The following CCDC150 variants were observed in gnomAD, a reference collection of about 807,000 sequenced individuals.
CCDC150 encodes coiled-coil domain-containing protein 150.
In CCDC150, 151 loss-of-function variants were observed where a neutral mutation model predicts 156.5. That is an observed-to-expected ratio of 0.97 (90% confidence interval 0.85 to 1.10). The LOEUF (loss-of-function observed/expected upper bound fraction) is 1.10, where lower values mean the gene tolerates loss of function less well. Ranked by LOEUF, CCDC150 falls within the 50% of genes least tolerant of loss-of-function variation. The pLI, the probability that CCDC150 is intolerant of heterozygous loss-of-function variation, is 0.00. For synonymous variants in CCDC150, 452 were observed against 429.4 expected (o/e 1.05, Z -0.65); for missense variants, 1,312 against 1,268.1 (o/e 1.03, Z -0.53).
chr2:196,677,049 C>A, intron 12 of CCDC150: 1 of 683,930 alleles, frequency 1.5e-6, no homozygotes, highest in South Asian at 1.5e-5. Context: ...GGGGGAACAG[C>A]CCTGTCTTCC....
At chr2:196,709,060 G>T (rs1473618319) in intron 15 of CCDC150, among the ~76,000 whole-genome samples, 1 of 152,146 alleles carries the variant, frequency 6.6e-6, no homozygotes, top group African/African-American at 2.4e-5. Flanking sequence ...GTCTTGCTAG[G>T]TTGGGGAAGT....
chr2:196,688,256 T>G (rs1000974939), intron 13 of CCDC150, among the ~76,000 whole-genome samples: 114 of 152,346 alleles, frequency 7.5e-4, no homozygotes, highest in African/African-American at 2.6e-3. Flanking sequence ...TTTCCATTTG[T>G]TAATGTCATC....
chr2:196,732,058 A>T lies in CCDC150; in HGVS notation c.3095A>T (p.His1032Leu). 2 of 1,613,588 alleles carry T rather than the reference A, an allele frequency of 1.2e-6. No individual in the cohort carries two copies. The highest frequency in any genetic ancestry group is 1.7e-6 in the Non-Finnish European group (2 of 1,179,562). ...ATAACAGCTAATCTGGAAGAAGCTCATCGCTGGTTTAAGCACAGGTTTGAT... is the reference window on the plus strand; with the variant it reads ...ATAACAGCTAATCTGGAAGAAGCTCTTCGCTGGTTTAAGCACAGGTTTGAT... ...EQITANLEEA[H>L]RWFKHRFDGL... The change falls in exon 27 of 28, where the codon CAT (histidine) becomes CTT (leucine). Residue 1032 changes from histidine to leucine, a missense_variant. His to Leu is a moderately conservative substitution (Grantham distance 99). Transcript: ENST00000389175.
rs533018405 is a variant in CCDC150 at position 196,712,840 on chromosome 2, A to G, written c.1866+101A>G. ...TTTTAACGAATGAATAGAAAAAGTT[A>G]AGCAAGATAACAAAAACATTTAGTG... On this transcript the variant is annotated intron_variant, in intron 17 of 27. Transcript: ENST00000389175. 5.5e-4 allele frequency: 492 copies of G among 890,158 alleles called. 1 individual carries two copies. Among genetic ancestry groups the G allele is most frequent in the Non-Finnish European group, 8.1e-4 (467 of 573,560 alleles). 55.1% of individuals were successfully genotyped at this position (890,158 alleles called of 1,614,324 possible). A position where few individuals can be genotyped will look rare whatever the true frequency, so the allele number is the denominator to read the frequency against.
chr2:196,660,361 G>T (rs968466731), intron 5 of CCDC150, among the ~76,000 whole-genome samples: 28 of 152,142 alleles, frequency 1.8e-4, no homozygotes, highest in Admixed American at 1.8e-3. Context: ...CATCTGGTAA[G>T]CCTATGTTTA....
intron 15 of CCDC150, among the ~76,000 whole-genome samples, chr2:196,704,036 A>C (rs914783338): frequency 2.6e-5 from 4 of 152,362 alleles, no homozygotes; most frequent in African/African-American, 9.6e-5. Flanking sequence ...TGGAGCACAT[A>C]ACTCTTACAA....
chr2:196,668,354 A>G (rs1443511208), intron 7 of CCDC150, among the ~76,000 whole-genome samples: 1 of 151,826 alleles, frequency 6.6e-6, no homozygotes. Flanking sequence ...ACTGTACCCA[A>G]AGACCCACAG....
At position 196,720,531 on chromosome 2, in the gene CCDC150, C is replaced by T. The variant is rs374685367; in HGVS notation, c.2166-44C>T. 53 of 1,518,192 alleles carry T rather than the reference C, an allele frequency of 3.5e-5. 1 individual carries two copies. The highest frequency in any genetic ancestry group is 1.1e-4 in the African/African-American group (8 of 73,130). The allele number at this position is 1,518,192 out of a possible 1,614,324, so 94.0% of individuals were successfully genotyped here. On this transcript the variant is annotated intron_variant, in intron 19 of 27. Transcript: ENST00000389175. ...ACTCCCAAATGGTATCATTCCTACA[C>T]GATTCTTTTCTGTAGTCACTCTTTT... is the stretch of plus-strand genomic sequence containing the variant.
rs1195767004 is a variant in CCDC150 at position 196,672,367 on chromosome 2, A to G, written c.959A>G (p.Lys320Arg). The G allele has an allele frequency of 2.0e-6, 3 of 1,537,868 alleles. No homozygotes were observed. The highest frequency in any genetic ancestry group is 1.7e-6 in the Non-Finnish European group (2 of 1,145,248). The stretch of plus-strand genomic sequence containing the variant: ...TAGAACCTGCAGATATCTTTCAACA[A>G]GGAACATGAAGAAAATGCATATTTG... ...ENKNLQISFN[K>R]EHEENAYLRS... is the part of the protein sequence containing the mutation. The change falls in exon 9 of 28, where the codon AAG (lysine) becomes AGG (arginine). Residue 320 changes from lysine (K) to arginine (R), a missense_variant. Transcript: ENST00000389175.
chr2:196,691,647 T>TTA (rs1553560509), intron 13 of CCDC150, among the ~76,000 whole-genome samples: 2 of 150,678 alleles, frequency 1.3e-5, no homozygotes, highest in Non-Finnish European at 3.0e-5. Flanking sequence ...TTTTTTTTTT[T>TTA]AAAACAGCTC....
rs1022452116 is a variant in CCDC150, at chr2:196,659,106, G to T, written c.645+246G>T. On this transcript the variant is annotated intron_variant, in intron 5 of 27. Coordinates refer to ENST00000389175, the MANE Select transcript of CCDC150 (RefSeq NM_001080539.2). The stretch of plus-strand genomic sequence containing the variant: ...AATAAATGCTTTGTGAACCAGGAAG[G>T]AATAGTTACCACTCGTGGCTGCCCG... Among the ~76,000 whole-genome samples, 10 of 152,240 alleles carry T rather than the reference G, an allele frequency of 6.6e-5. No homozygotes were observed. The South Asian group carries it at 1.0e-3, about 16-fold the overall frequency.
chr2:196,655,067 T>C (rs1693109535), intron 2 of CCDC150, among the ~76,000 whole-genome samples: 1 of 152,224 alleles, frequency 6.6e-6, no homozygotes. Context: ...CATGTTCCAG[T>C]TCCTTCTATC....
chr2:196,719,568 T>C lies in CCDC150; in HGVS notation c.2067T>C (p.Asn689=), dbSNP rs1173554956. Residue 689 remains asparagine, a synonymous_variant, in exon 19 of 28, where the codon AAT becomes AAC. Coordinates refer to ENST00000389175, the MANE Select transcript of CCDC150 (RefSeq NM_001080539.2). ...GCAAAGTCACAATCATGTTGGAGAA[T>C]GTGCTGGCTTCTCACAGTAAGATGC... ...DNCKVTIMLE[N]VLASHSKMQG... 3 of 1,613,478 alleles carry C rather than the reference T, an allele frequency of 1.9e-6. No individual in the cohort carries two copies. Among genetic ancestry groups the C allele is most frequent in the African/African-American group, 1.3e-5 (1 of 75,034 alleles).
At chr2:196,662,893 C>T (rs544820632) in intron 5 of CCDC150, among the ~76,000 whole-genome samples, 1 of 151,876 alleles carries the variant, frequency 6.6e-6, no homozygotes, top group East Asian at 1.9e-4. Context: ...CATGCCACTG[C>T]ACTCCAGCCT....
In CCDC150 at chr2:196,730,049, G is replaced by C. The variant is rs1282167963; in HGVS notation, c.2913G>C (p.Arg971=). 6.2e-7 allele frequency: 1 copy of C among 1,613,826 alleles called. No homozygotes were observed. Among genetic ancestry groups the C allele is most frequent in the South Asian group, 1.1e-5 (1 of 90,980 alleles). ...LAKSQYDASV[R]NKQQELHLEA... is the part of the protein sequence containing the mutation. ...AGAGCCAATATGATGCCTCAGTGCG[G>C]AATAAACAGCAAGAGCTGCACCTAG... The change falls in exon 25 of 28, where the codon CGG becomes CGC. Residue 971 remains arginine (R), a synonymous_variant. Transcript: ENST00000389175.
At chr2:196,719,305 T>C (rs1006460045) in intron 18 of CCDC150, 192 bp from the exon 19 acceptor site, 3 of 423,466 alleles carry the variant, frequency 7.1e-6, no homozygotes, top group African/African-American at 6.2e-5. Flanking sequence ...TTTCTGGGGA[T>C]CAGCTTTTCT....
intron 15 of CCDC150, among the ~76,000 whole-genome samples, chr2:196,703,208 C>G (rs1696358387): frequency 6.6e-6 from 1 of 152,216 alleles, no homozygotes; most frequent in Admixed American, 6.5e-5. Flanking sequence ...CCGAACACAT[C>G]AGCATTAACC....
intron 15 of CCDC150, among the ~76,000 whole-genome samples, chr2:196,703,494 G>A (rs999970811): frequency 6.6e-6 from 1 of 152,106 alleles, no homozygotes; most frequent in Non-Finnish European, 1.5e-5. Flanking sequence ...ATAAAATGAT[G>A]AGGATAAGCA....
intron 15 of CCDC150, among the ~76,000 whole-genome samples, chr2:196,704,714 C>CG (rs1559258585): frequency 6.6e-6 from 1 of 152,090 alleles, no homozygotes; most frequent in African/African-American, 2.4e-5. Flanking sequence ...CCCCACCCCA[C>CG]GACAGGCCCC....
Sources: gnomAD v4.1 joint callset for allele counts (sites outside exome capture counted in the v4.1 genomes callset) on GRCh38, gnomAD v4.1.1 for gene constraint, MANE v1.5 for transcripts, NCBI Gene and HGNC (gene_info 2026-07-23, HGNC 2026-07-21) for gene names.